The following KIAA1217 variants were observed in gnomAD, a reference collection of about 807,000 sequenced individuals.
The protein encoded by KIAA1217 is KIAA1217.
KIAA1217 carries 88 observed loss-of-function variants against 163.9 expected under a neutral mutation model. The ratio of observed to expected loss-of-function variants is 0.54; its 90% CI spans 0.45 to 0.64. KIAA1217 has a LOEUF of 0.64. Among genes scored for constraint, KIAA1217 ranks in the 30% least tolerant of loss-of-function variants. KIAA1217 has a pLI of 0.00. For missense variants in KIAA1217, 2,372 were observed against 2,475.0 expected (o/e 0.96, Z 0.88); for synonymous variants, 903 against 923.1 (o/e 0.98, Z 0.39).
At chr10:24,016,982 T>C (rs548422956) in intron 2 of KIAA1217, among the ~76,000 whole-genome samples, 32 of 152,020 alleles carry the variant, frequency 2.1e-4, no homozygotes, top group Non-Finnish European at 3.4e-4. Context: ...TAGGTCACAA[T>C]AAATGTTTAC....
At chr10:24,167,605 A>C (rs2065419088) in intron 2 of KIAA1217, among the ~76,000 whole-genome samples, 1 of 152,040 alleles carries the variant, frequency 6.6e-6, no homozygotes, top group South Asian at 2.1e-4. Context: ...CCTTTACCCA[A>C]CTTGGACAAC....
chr10:24,128,004 A>C lies in KIAA1217; in HGVS notation c.-170-91622A>C, dbSNP rs149284368. Among the ~76,000 whole-genome samples the C allele has an allele frequency of 2.8e-3, 426 of 152,342 alleles. 1 individual carries two copies. The highest frequency in any genetic ancestry group is 9.6e-3 in the African/African-American group (398 of 41,586). On this transcript the variant is annotated intron_variant, in intron 2 of 18. Transcript: ENST00000376462. ...AATATTCTTCTCATACTCAATACCCAAAGTTATTTCTGAAGCCTCACCAAA... is the reference window on the plus strand; with the variant it reads ...AATATTCTTCTCATACTCAATACCCCAAGTTATTTCTGAAGCCTCACCAAA...
At chr10:24,402,552 G>C (rs1018114963) in intron 3 of KIAA1217, among the ~76,000 whole-genome samples, 1 of 146,520 alleles carries the variant, frequency 6.8e-6, no homozygotes, top group Non-Finnish European at 1.5e-5. Flanking sequence ...AGGCAAAGGA[G>C]TTTGAATAGC....
chr10:23,778,936 T>C (rs1050754683), intron 1 of KIAA1217, among the ~76,000 whole-genome samples: 62 of 150,754 alleles, frequency 4.1e-4, no homozygotes, highest in Non-Finnish European at 1.9e-4. Flanking sequence ...GAATGGTATT[T>C]CATTATATGA....
At chr10:23,874,335 CTCTT>C in intron 1 of KIAA1217, among the ~76,000 whole-genome samples, 1 of 152,082 alleles carries the variant, frequency 6.6e-6, no homozygotes, top group East Asian at 1.9e-4. Flanking sequence ...TTATTTTTCT[CTCTT>C]TCAGATGTCA....
At chr10:24,153,788 C>T (rs2064738374) in intron 2 of KIAA1217, among the ~76,000 whole-genome samples, 1 of 152,148 alleles carries the variant, frequency 6.6e-6, no homozygotes, top group Non-Finnish European at 1.5e-5. Flanking sequence ...TACAGCTTCC[C>T]ATCAAAGCCT....
At chr10:23,789,480 G>A (rs1024833537) in intron 1 of KIAA1217, among the ~76,000 whole-genome samples, 2 of 152,070 alleles carry the variant, frequency 1.3e-5, no homozygotes, top group African/African-American at 4.8e-5. Flanking sequence ...GTAAATTGAC[G>A]TAAACTTCTT....
At chr10:23,789,391 G>T (rs1047503173) in intron 1 of KIAA1217, among the ~76,000 whole-genome samples, 2 of 152,110 alleles carry the variant, frequency 1.3e-5, no homozygotes, top group African/African-American at 4.8e-5. Flanking sequence ...TGCAGAATCT[G>T]CCATGAACGC....
At chr10:24,280,582 C>T (rs571057646) in intron 2 of KIAA1217, among the ~76,000 whole-genome samples, 34 of 152,016 alleles carry the variant, frequency 2.2e-4, no homozygotes, top group Middle Eastern at 3.4e-3. Flanking sequence ...GAGGCGGAGG[C>T]GGGTGGATTG....
chr10:23,897,282 C>A (rs1892434), intron 1 of KIAA1217, among the ~76,000 whole-genome samples: 32,780 of 151,904 alleles, frequency 0.22, 3,782 homozygotes, highest in Middle Eastern at 0.32. Flanking sequence ...ATTTATATAT[C>A]AAAATAAAAT....
At position 24,347,568 on chromosome 10, in the gene KIAA1217, G is replaced by T. The variant is rs2047944301; in HGVS notation, c.355-33301G>T. The stretch of plus-strand genomic sequence containing the variant: ...TTATACCCATGGAAAAAGCCATAAG[G>T]CTTACATCACAAGTTTTATTTTTTT... On this transcript the variant is annotated intron_variant, in intron 2 of 20. Coordinates refer to ENST00000376454, the MANE Select transcript of KIAA1217 (RefSeq NM_019590.5). Among the ~76,000 whole-genome samples the T allele has an allele frequency of 2.6e-5, 4 of 152,192 alleles. No individual in the cohort carries two copies. In the South Asian group the frequency reaches 8.3e-4, roughly 32 times the overall value.
chr10:24,382,823 G>A (rs1169430393), intron 3 of KIAA1217, among the ~76,000 whole-genome samples: 1 of 145,476 alleles, frequency 6.9e-6, no homozygotes. Flanking sequence ...GTGGATTCAA[G>A]AAATTTGTGG....
intron 1 of KIAA1217, among the ~76,000 whole-genome samples, chr10:23,840,447 G>T (rs141515687): frequency 2.6e-5 from 4 of 152,212 alleles, no homozygotes; most frequent in South Asian, 4.1e-4. Context: ...GAGCCACTGT[G>T]CCTGGCCGAT....
intron 2 of KIAA1217, among the ~76,000 whole-genome samples, chr10:24,345,340 C>G (rs1365144856): frequency 3.9e-5 from 6 of 152,132 alleles, no homozygotes; most frequent in Admixed American, 3.3e-4. Context: ...CAATATTTAT[C>G]TACGCATAGG....
At chr10:23,818,030 T>C (rs1327497796) in intron 1 of KIAA1217, among the ~76,000 whole-genome samples, 1 of 126,504 alleles carries the variant, frequency 7.9e-6, no homozygotes, top group South Asian at 2.4e-4. Flanking sequence ...TATACACACA[T>C]ATATATACAT....
rs372392392 is a variant in KIAA1217 at position 23,844,615 on chromosome 10, T to C, written c.-321+149381T>C. Among the ~76,000 whole-genome samples the C allele has an allele frequency of 9.2e-5, 14 of 152,306 alleles. No individual in the cohort carries two copies. In the East Asian group the frequency reaches 1.4e-3, roughly 15 times the overall value. Reference sequence around the variant, plus strand: ...CCATATTCTCCTGGTTTTCTCTATCTCTTTTGTTCCTTCCTTGTCAATATC... The same window carrying C: ...CCATATTCTCCTGGTTTTCTCTATCCCTTTTGTTCCTTCCTTGTCAATATC... On this transcript the variant is annotated intron_variant, in intron 1 of 18. Coordinates refer to the KIAA1217 transcript ENST00000376462.
chr10:24,328,886 C>T (rs2045292464), intron 2 of KIAA1217, among the ~76,000 whole-genome samples: 1 of 151,902 alleles, frequency 6.6e-6, no homozygotes, highest in African/African-American at 2.4e-5. Context: ...CAGCATGTGT[C>T]TTCCCAATTT....
intron 2 of KIAA1217, among the ~76,000 whole-genome samples, chr10:24,305,664 T>C (rs2041926542): frequency 6.6e-6 from 1 of 152,246 alleles, no homozygotes; most frequent in Non-Finnish European, 1.5e-5. Flanking sequence ...TTTCTGTAAC[T>C]GTTACGTCTT....
rs1835933539 is a variant in KIAA1217, at chr10:23,695,021, G to GCCAC, written c.-532_-529dup. On this transcript the variant is annotated 5_prime_UTR_variant, in exon 1 of 19. Coordinates refer to the KIAA1217 transcript ENST00000376462. This position sits in a 1 kb window ranked among gnomAD's most constrained non-coding sequence, Gnocchi z 4.9. Reference sequence around the variant, plus strand: ...CAGCATCCCCGGGCTGCCAGAAGAGGCCACCACTCGGCTGGCAGCCGCGAG... The same window carrying GCCAC: ...CAGCATCCCCGGGCTGCCAGAAGAGGCCACCCACCACTCGGCTGGCAGCCGCGAG... 6.6e-6 allele frequency: 1 copy of GCCAC among 152,202 alleles called. No homozygotes were observed. The highest frequency in any genetic ancestry group is 2.1e-4 in the South Asian group (1 of 4,834). 9.4% of individuals were successfully genotyped at this position (152,202 alleles called of 1,614,324 possible).
Sources: allele counts gnomAD v4.1 joint callset (sites outside exome capture counted in the v4.1 genomes callset), GRCh38; gene constraint gnomAD v4.1.1; non-coding constraint Gnocchi (gnomAD v3.1); transcripts MANE v1.5; gene names NCBI Gene and HGNC (gene_info 2026-07-23, HGNC 2026-07-21).